ARHGAP18: variants seen among roughly 807,000 people sequenced by gnomAD.
ARHGAP18 encodes the protein rho GTPase-activating protein 18.
Under a neutral mutation model 86.2 loss-of-function variants are expected in ARHGAP18, and 67 were observed. That is an observed-to-expected ratio of 0.78 (90% confidence interval 0.64 to 0.95). ARHGAP18 has a LOEUF of 0.95. Ranked by LOEUF, ARHGAP18 falls within the 40% of genes least tolerant of loss-of-function variation. ARHGAP18 has a pLI of 0.00. For synonymous variants in ARHGAP18, 283 were observed against 280.4 expected (o/e 1.01, Z -0.09); for missense variants, 691 against 780.4 (o/e 0.89, Z 1.37).
At chr6:129,607,004 T>C (rs1178913768) in intron 9 of ARHGAP18, among the ~76,000 whole-genome samples, 2 of 151,800 alleles carry the variant, frequency 1.3e-5, no homozygotes. Flanking sequence ...GGATCACAGG[T>C]GCGCACCACT....
At chr6:129,685,894 T>G (rs1424686068) in intron 1 of ARHGAP18, among the ~76,000 whole-genome samples, 1 of 152,154 alleles carries the variant, frequency 6.6e-6, no homozygotes, top group African/African-American at 2.4e-5. Flanking sequence ...AACGAAGAAG[T>G]CTTTTTGCAA....
chr6:129,627,699 CAG>C (rs1335317396), intron 5 of ARHGAP18, among the ~76,000 whole-genome samples: 1 of 151,754 alleles, frequency 6.6e-6, no homozygotes, highest in Admixed American at 6.6e-5. Flanking sequence ...GAGAAAGAAA[CAG>C]AGAAGGAGAT....
At chr6:129,647,673 TA>T (rs371133047) in intron 1 of ARHGAP18, among the ~76,000 whole-genome samples, 12,318 of 143,554 alleles carry the variant, frequency 0.086, 615 homozygotes, top group African/African-American at 0.15. Flanking sequence ...TTTTAATGTG[TA>T]AAAAAAAAAA....
chr6:129,605,161 T>C (rs146079644), intron 10 of ARHGAP18, among the ~76,000 whole-genome samples: 1 of 152,280 alleles, frequency 6.6e-6, no homozygotes, highest in Non-Finnish European at 1.5e-5. Flanking sequence ...TAAGAGTTTA[T>C]AATTAAACCT....
intron 12 of ARHGAP18, among the ~76,000 whole-genome samples, chr6:129,589,563 CT>C (rs1437001271): frequency 6.6e-6 from 1 of 152,176 alleles, no homozygotes; most frequent in Non-Finnish European, 1.5e-5. Context: ...TCCTCCAAGT[CT>C]CTAGTTCCAA....
intron 10 of ARHGAP18, among the ~76,000 whole-genome samples, chr6:129,601,265 G>A (rs1443754970): frequency 1.3e-5 from 2 of 152,192 alleles, no homozygotes; most frequent in African/African-American, 4.8e-5. Flanking sequence ...TTCAACTTCA[G>A]TCTCATTTCT....
intron 2 of ARHGAP18, among the ~76,000 whole-genome samples, chr6:129,640,466 G>A (rs892458181): frequency 6.6e-6 from 1 of 152,144 alleles, no homozygotes. Context: ...GAAAGGGTGA[G>A]AGATACTATT....
At chr6:129,631,964 C>G (rs1186880060) in intron 4 of ARHGAP18, among the ~76,000 whole-genome samples, 2 of 151,952 alleles carry the variant, frequency 1.3e-5, no homozygotes, top group South Asian at 2.1e-4. Context: ...ATGTGACAAC[C>G]CTTGCAACTA....
intron 11 of ARHGAP18, among the ~76,000 whole-genome samples, chr6:129,600,319 T>C (rs773089209): frequency 2.6e-5 from 4 of 152,118 alleles, no homozygotes; most frequent in South Asian, 4.1e-4. Flanking sequence ...GGGTACAAAA[T>C]GCATGCATCC....
At chr6:129,622,497 A>G (rs892988801) in intron 5 of ARHGAP18, among the ~76,000 whole-genome samples, 2 of 152,210 alleles carry the variant, frequency 1.3e-5, no homozygotes, top group Non-Finnish European at 2.9e-5. Context: ...GATATATGTC[A>G]TGAGCTTATT....
chr6:129,652,229 T>C (rs1773729194), intron 1 of ARHGAP18, among the ~76,000 whole-genome samples: 3 of 152,216 alleles, frequency 2.0e-5, no homozygotes, highest in Non-Finnish European at 4.4e-5. Context: ...ATTATTAAAG[T>C]TGTTCTTTCC....
At chr6:129,629,266 T>G (rs1019906798) in intron 5 of ARHGAP18, 87 bp downstream of exon 5, 12 of 1,076,876 alleles carry the variant, frequency 1.1e-5, no homozygotes, top group Non-Finnish European at 1.6e-5. Context: ...TATATATGTG[T>G]GTGTGCGTGT....
chr6:129,707,276 T>C (rs963827326), intron 1 of ARHGAP18, among the ~76,000 whole-genome samples: 2 of 152,022 alleles, frequency 1.3e-5, no homozygotes, highest in African/African-American at 4.8e-5. Flanking sequence ...CGCTAAGTCA[T>C]ACACATATGT....
chr6:129,578,949 G>A (rs969694233), intron 14 of ARHGAP18, among the ~76,000 whole-genome samples: 20 of 151,826 alleles, frequency 1.3e-4, no homozygotes, highest in Non-Finnish European at 2.6e-4. Flanking sequence ...GGGTGACAGA[G>A]GCAGACACTG....
chr6:129,700,476 A>C (rs1180567525), intron 1 of ARHGAP18, among the ~76,000 whole-genome samples: 1 of 152,252 alleles, frequency 6.6e-6, no homozygotes. Flanking sequence ...TAGTATTGAA[A>C]TAATGTGAGC....
chr6:129,672,172 G>A (rs75970804), intron 1 of ARHGAP18, among the ~76,000 whole-genome samples: 2,270 of 151,922 alleles, frequency 0.015, 69 homozygotes, highest in African/African-American at 0.051. Flanking sequence ...TGCAATCATC[G>A]CCATTCAAAT....
Position 129,580,053 on chromosome 6 carries a change from G to GA in ARHGAP18, c.1900+16dup, listed in dbSNP as rs202176182. The stretch of plus-strand genomic sequence containing the variant: ...CAAAACAGCATATAAAATGTAAAGA[G>GA]AAAAAAAAGTGCTTACCAATATTTC... On this transcript the variant is annotated intron_variant, in intron 14 of 14. Transcript: ENST00000368149. 0.015 allele frequency: 24,219 copies of GA among 1,596,338 alleles called. 292 individuals are homozygous for GA. The highest frequency in any genetic ancestry group is 0.046 in the South Asian group (4,133 of 90,472).
chr6:129,685,272 C>G (rs576566011), intron 1 of ARHGAP18, among the ~76,000 whole-genome samples: 1 of 152,120 alleles, frequency 6.6e-6, no homozygotes, highest in Admixed American at 6.5e-5. Context: ...TTTGGGAGAC[C>G]GAGGTGGGCG....
intron 12 of ARHGAP18, 96 bp from the exon 13 acceptor site, chr6:129,584,208 ATT>A (rs896285155): frequency 2.0e-6 from 3 of 1,485,216 alleles, no homozygotes; most frequent in Non-Finnish European, 2.7e-6. Context: ...ACTACTACGC[ATT>A]TTACTTCACT....
Sources: gnomAD v4.1 joint callset for allele counts (sites outside exome capture counted in the v4.1 genomes callset) on GRCh38, gnomAD v4.1.1 for gene constraint, MANE v1.5 for transcripts, NCBI Gene and HGNC (gene_info 2026-07-23, HGNC 2026-07-21) for gene names.